Variants in MASP1 observed in about 807,000 individuals in gnomAD.
MASP1 encodes the protein mannan-binding lectin serine protease 1.
MASP1 carries 59 observed loss-of-function variants against 77.1 expected under a neutral mutation model. That is an observed-to-expected ratio of 0.77 (90% CI 0.62 to 0.95). The LOEUF is 0.95. Among genes scored for constraint, MASP1 ranks in the 40% least tolerant of loss-of-function variants. The pLI is 0.00. For missense variants in MASP1, 885 were observed against 912.9 expected (o/e 0.97, Z 0.39); for synonymous variants, 362 against 354.5 (o/e 1.02, Z -0.24).
chr3:187,269,174 T>C (rs1467407789), intron 2 of MASP1, among the ~76,000 whole-genome samples: 1 of 152,060 alleles, frequency 6.6e-6, no homozygotes, highest in Non-Finnish European at 1.5e-5. Context: ...TTTAAGGCAG[T>C]ACCCAGTACT....
chr3:187,277,974 T>C (rs1473831096), intron 2 of MASP1, among the ~76,000 whole-genome samples: 23 of 152,208 alleles, frequency 1.5e-4, no homozygotes, highest in Admixed American at 1.4e-3. Flanking sequence ...ATAAGAAAAC[T>C]GACATTCATT....
intron 3 of MASP1, among the ~76,000 whole-genome samples, chr3:187,262,024 A>C (rs142750150): frequency 6.6e-6 from 1 of 152,214 alleles, no homozygotes; most frequent in African/African-American, 2.4e-5. Flanking sequence ...AGAGGCAAGA[A>C]CTAATCTACA....
chr3:187,231,082 A>C (rs1712738771), downstream of MASP1, among the ~76,000 whole-genome samples: 1 of 152,210 alleles, frequency 6.6e-6, no homozygotes. Flanking sequence ...CCCTGCCTCC[A>C]TTCCCAACAG....
rs1216853008 is a variant in MASP1, at chr3:187,247,272, G to A, written c.1090+2979C>T. 5.6e-6 allele frequency: 9 copies of A among 1,613,550 alleles called. No individual in the cohort carries two copies. The African/African-American group carries it at 8.0e-5, about 14-fold the overall frequency. ...GTGGGGAGGGGTGGTGCAGCTCTGGGCCCCAGGGGTCTTGGGAGTGATCCA... is the reference window on the plus strand; with the variant it reads ...GTGGGGAGGGGTGGTGCAGCTCTGGACCCCAGGGGTCTTGGGAGTGATCCA... On this transcript the variant is annotated intron_variant, in intron 8 of 10. Transcript: ENST00000296280.
chr3:187,217,667 T>A (rs1711842755), exon 16 of MASP1: 1 of 152,196 alleles, frequency 6.6e-6, no homozygotes, highest in South Asian at 2.1e-4. Flanking sequence ...ACTCCAGCCC[T>A]CTGCTTCTAT....
chr3:187,236,363 C>A lies in MASP1; in HGVS notation c.1508G>T (p.Arg503Leu), dbSNP rs560233325. The A allele has an allele frequency of 6.2e-7, 1 of 1,614,136 alleles. No homozygotes were observed. Among genetic ancestry groups the A allele is most frequent in the Non-Finnish European group, 8.5e-7 (1 of 1,180,056 alleles). The change falls in exon 11 of 11, where the codon CGT becomes CTT. Residue 503 changes from arginine (R) to leucine (L), a missense_variant. By Grantham distance (102) the Arg-to-Leu change is moderately radical. Transcript: ENST00000296280. ...GACTGGTATCACCGTGGTGTCTCTA[C>A]GCTGGGAGCGCAGCACATGAGCTGC... ...LTAAHVLRSQ[R>L]RDTTVIPVSK...
intron 14 of MASP1, among the ~76,000 whole-genome samples, chr3:187,222,248 T>C (rs1002738749): frequency 6.6e-6 from 1 of 152,190 alleles, no homozygotes; most frequent in Admixed American, 6.5e-5. Flanking sequence ...CATTTCTCTC[T>C]CTCCACCTTT....
intron 6 of MASP1, among the ~76,000 whole-genome samples, chr3:187,252,596 C>T (rs947287045): frequency 9.2e-5 from 14 of 152,302 alleles, no homozygotes; most frequent in African/African-American, 1.9e-4. Context: ...TGCCCAGCTG[C>T]GATCTTTTGT....
intron 3 of MASP1, among the ~76,000 whole-genome samples, chr3:187,261,315 C>T (rs1715558825): frequency 6.6e-6 from 1 of 152,210 alleles, no homozygotes; most frequent in South Asian, 2.1e-4. Context: ...GATTTAAATA[C>T]AGACAAGCTG....
intron 2 of MASP1, among the ~76,000 whole-genome samples, chr3:187,264,686 T>C (rs1229069833): frequency 6.6e-6 from 1 of 152,228 alleles, no homozygotes; most frequent in Admixed American, 6.5e-5. Flanking sequence ...AAGTCTTCTT[T>C]ATGTCATGTT....
chr3:187,267,252 A>T (rs542631331), intron 2 of MASP1, among the ~76,000 whole-genome samples: 1 of 152,366 alleles, frequency 6.6e-6, no homozygotes, highest in Non-Finnish European at 1.5e-5. Flanking sequence ...AGGCTGTCTT[A>T]TAACCCAAAT....
chr3:187,226,614 C>T (rs1712451318), intron 11 of MASP1: 4 of 825,806 alleles, frequency 4.8e-6, no homozygotes, highest in South Asian at 4.3e-5. Context: ...TCCAGAGGAC[C>T]CCTCAAGACC....
At chr3:187,222,059 C>T (rs1712091430) in intron 14 of MASP1, among the ~76,000 whole-genome samples, 1 of 152,172 alleles carries the variant, frequency 6.6e-6, no homozygotes, top group African/African-American at 2.4e-5. Flanking sequence ...TGGGTCATGG[C>T]CTTCCCTGGA....
chr3:187,227,532 G>C (rs1420139472), intron 11 of MASP1, among the ~76,000 whole-genome samples: 2 of 152,142 alleles, frequency 1.3e-5, no homozygotes, highest in African/African-American at 2.4e-5. Context: ...ACACAGGGGT[G>C]GGGGAGGCTG....
chr3:187,234,812 C>A lies in MASP1; in HGVS notation c.*872G>T. On this transcript the variant is annotated 3_prime_UTR_variant, in exon 11 of 11. Coordinates refer to ENST00000296280, the MANE Select transcript of MASP1 (RefSeq NM_139125.4). ...AGTCCCCATATTCGGGCCTGGGCTT[C>A]AGGTAGCCTTTCAGATAATACATTT... is the stretch of plus-strand genomic sequence containing the variant. The A allele has an allele frequency of 7.8e-7, 1 of 1,287,266 alleles. No homozygotes were observed. Among genetic ancestry groups the A allele is most frequent in the African/African-American group, 1.5e-5 (1 of 65,926 alleles). The allele number at this position is 1,287,266 out of a possible 1,614,324, so 79.7% of individuals were successfully genotyped here.
chr3:187,235,814 C>T lies in MASP1; in HGVS notation c.2057G>A (p.Trp686Ter). The change falls in exon 11 of 11, where the codon TGG (tryptophan) becomes TAG (stop). Residue 686 changes from tryptophan to a stop codon, truncating the protein, a stop_gained. Transcript: ENST00000296280. LOFTEE classifies it high-confidence loss of function. The part of the protein sequence containing the change: ...QRWVVQGLVS[W>*]GGPEECGSKQ... Reference sequence around the variant, plus strand: ...GCTGCCGCATTCTTCAGGTCCCCCCCAGGACACCAGGCCTTGCACCACCCA... The same window carrying T: ...GCTGCCGCATTCTTCAGGTCCCCCCTAGGACACCAGGCCTTGCACCACCCA... 9 of 1,614,204 alleles carry T rather than the reference C, an allele frequency of 5.6e-6. No homozygotes were observed. Among genetic ancestry groups the T allele is most frequent in the Non-Finnish European group, 6.8e-6 (8 of 1,180,028 alleles).
chr3:187,260,758 T>C lies in MASP1; in HGVS notation c.530A>G (p.Asp177Gly). 6.2e-7 allele frequency: 1 copy of C among 1,614,194 alleles called. No homozygotes were observed. The highest frequency in any genetic ancestry group is 8.5e-7 in the Non-Finnish European group (1 of 1,180,038). The part of the protein sequence containing the change: ...SCRFGYILHT[D>G]NRTCRVECSD... ...GGCTCTACCTCGGCAGGTCCTGTTG[T>C]CTGTGTGGAGGATGTAGCCGAAGCG... Residue 177 changes from aspartate to glycine, a missense_variant, in exon 4 of 11, where the codon GAC becomes GGC. Physicochemically the swap from Asp to Gly is moderately conservative, Grantham distance 94. Coordinates refer to ENST00000296280, the MANE Select transcript of MASP1 (RefSeq NM_139125.4).
chr3:187,234,100 G>A lies in MASP1; in HGVS notation c.*1584C>T, dbSNP rs1250334604. The A allele has an allele frequency of 7.8e-7, 1 of 1,278,084 alleles. No individual in the cohort carries two copies. 79.2% of individuals were successfully genotyped at this position (1,278,084 alleles called of 1,614,324 possible). A position where few individuals can be genotyped will look rare whatever the true frequency, so the allele number is the denominator to read the frequency against. ...CCAAGGCTGTTGGTTATCCACGAGG[G>A]TTTATTTCCACTTGAGACCCCTGAT... On this transcript the variant is annotated 3_prime_UTR_variant, in exon 11 of 11. Coordinates refer to ENST00000296280, the MANE Select transcript of MASP1 (RefSeq NM_139125.4).
intron 6 of MASP1, among the ~76,000 whole-genome samples, chr3:187,252,173 C>A (rs1714667921): frequency 6.6e-6 from 1 of 152,194 alleles, no homozygotes; most frequent in Non-Finnish European, 1.5e-5. Flanking sequence ...GCCACCACCC[C>A]TGGGAGGGCT....
Sources: allele counts gnomAD v4.1 joint callset (sites outside exome capture counted in the v4.1 genomes callset), GRCh38; gene constraint gnomAD v4.1.1; transcripts MANE v1.5; gene names NCBI Gene and HGNC (gene_info 2026-07-23, HGNC 2026-07-21).